IFT140: variants seen among roughly 807,000 people sequenced by gnomAD.
The protein encoded by IFT140 is intraflagellar transport 140.
A neutral mutation model predicts 164.6 loss-of-function variants in IFT140; 133 were observed. The ratio of observed to expected loss-of-function variants is 0.81; its 90% CI spans 0.70 to 0.93. The LOEUF (loss-of-function observed/expected upper bound fraction) is 0.93. Ranked by LOEUF, IFT140 falls within the 40% of genes least tolerant of loss-of-function variation. IFT140 has a pLI of 0.00. For synonymous variants in IFT140, 860 were observed against 817.3 expected, an observed-to-expected ratio of 1.05 and a Z score of -0.89; for missense variants, 2,045 against 1,972.3, an observed-to-expected ratio of 1.04 and a Z score of -0.70.
chr16:1,523,406 T>C (rs2040580501), intron 26 of IFT140, 112 bp downstream of exon 26: 5 of 1,199,998 alleles, frequency 4.2e-6, no homozygotes, highest in Non-Finnish European at 4.7e-6. Flanking sequence ...CACCGCAGCC[T>C]TCCTGGAGAA....
chr16:1,559,944 G>A (rs1233148249), intron 18 of IFT140, among the ~76,000 whole-genome samples: 1 of 152,228 alleles, frequency 6.6e-6, no homozygotes, highest in Non-Finnish European at 1.5e-5. Context: ...AGGAGTGGAC[G>A]CATGCGGGAA....
intron 19 of IFT140, chr16:1,541,878 GC>G: frequency 6.6e-7 from 1 of 1,512,660 alleles, no homozygotes. Flanking sequence ...GGCCTCTGGA[GC>G]CCACCTGCAC....
At chr16:1,513,577 C>T (rs919058103) in intron 30 of IFT140, among the ~76,000 whole-genome samples, 2 of 152,110 alleles carry the variant, frequency 1.3e-5, no homozygotes, top group Admixed American at 6.5e-5. Context: ...CCCCTAATGA[C>T]GACGGACACA....
intron 19 of IFT140, chr16:1,555,173 C>T (rs1203830836): frequency 3.1e-6 from 3 of 977,234 alleles, no homozygotes; most frequent in Non-Finnish European, 4.4e-6. Flanking sequence ...GTGCGAGACA[C>T]GTGTGCGTTT....
At chr16:1,574,141 T>C (rs10903010) in intron 13 of IFT140, among the ~76,000 whole-genome samples, 28,609 of 152,092 alleles carry the variant, frequency 0.19, 3,456 homozygotes, top group African/African-American at 0.33. Flanking sequence ...AACCTGACAT[T>C]AGCCTGTGCC....
In IFT140 at chr16:1,526,913, G is replaced by T. The variant is rs545115292; in HGVS notation, c.2400-117C>A. 4.2e-6 allele frequency: 5 copies of T among 1,186,344 alleles called. No individual in the cohort carries two copies. The Admixed American group carries it at 1.1e-4, about 25-fold the overall frequency. The allele number at this position is 1,186,344 out of a possible 1,614,324, so 73.5% of individuals were successfully genotyped here. On this transcript the variant is annotated intron_variant, in intron 19 of 30. Coordinates refer to ENST00000426508, the MANE Select transcript of IFT140 (RefSeq NM_014714.4). ...GGCACAGCTGCCAAACGGGCATGAG[G>T]AGGGGCCTTCACCCATCGGCTCCGC...
At chr16:1,550,286 G>A (rs1242302897) in intron 19 of IFT140, among the ~76,000 whole-genome samples, 1 of 152,176 alleles carries the variant, frequency 6.6e-6, no homozygotes, top group Admixed American at 6.5e-5. Flanking sequence ...GCAGACAGAT[G>A]CTCTGAGGCC....
chr16:1,552,239 G>A (rs1367431149), intron 19 of IFT140, among the ~76,000 whole-genome samples: 1 of 152,178 alleles, frequency 6.6e-6, no homozygotes, highest in Non-Finnish European at 1.5e-5. Flanking sequence ...GTTACTGCCG[G>A]TATAACCTCC....
At chr16:1,609,064 AGAATCGCTT>A (rs2142126007) in intron 2 of IFT140, among the ~76,000 whole-genome samples, 1 of 152,196 alleles carries the variant, frequency 6.6e-6, no homozygotes, top group East Asian at 1.9e-4. Flanking sequence ...CTGAGACATG[AGAATCGCTT>A]GAATCCAGGA....
intron 27 of IFT140, 73 bp from the exon 28 acceptor site, chr16:1,520,416 A>G: frequency 6.6e-7 from 1 of 1,512,044 alleles, no homozygotes; most frequent in Non-Finnish European, 9.1e-7. Flanking sequence ...CCCGAGCAGG[A>G]GCTCTCACAA....
At chr16:1,604,721 TGGA>T (rs1231846290) in intron 3 of IFT140, among the ~76,000 whole-genome samples, 2 of 151,234 alleles carry the variant, frequency 1.3e-5, no homozygotes, top group African/African-American at 4.9e-5. Context: ...GATGGGAACC[TGGA>T]GGAGGGAAGG....
At position 1,518,401 on chromosome 16, in the gene IFT140, A is replaced by G. The variant is rs2076434; in HGVS notation, c.4041-44T>C. On this transcript the variant is annotated intron_variant, in intron 29 of 30. Transcript: ENST00000426508. ...AGGCCTGGGCCCCGAAGCCCTGAAC[A>G]CCTACTGCTATCAGAGGTCAGAGGA... 320,443 of 1,579,892 alleles carry G rather than the reference A, an allele frequency of 0.2. 35,196 individuals carry two copies. Among genetic ancestry groups the G allele is most frequent in the African/African-American group, 0.37 (27,563 of 73,856 alleles).
At chr16:1,561,390 C>T (rs2033400216) in intron 18 of IFT140, among the ~76,000 whole-genome samples, 2 of 152,232 alleles carry the variant, frequency 1.3e-5, no homozygotes, top group Non-Finnish European at 2.9e-5. Context: ...GGTGTGTGTA[C>T]TGATGACGAT....
At position 1,525,333 on chromosome 16, in the gene IFT140, GAGA is replaced by G. The variant is rs747185911; in HGVS notation, c.2769-10_2769-8del. On this transcript the variant is annotated splice_polypyrimidine_tract_variant and splice_region_variant and intron_variant, in intron 21 of 30. Transcript: ENST00000426508. The stretch of plus-strand genomic sequence containing the variant: ...CGTGTCCGACTTCTCGTAGCTGTGA[GAGA>G]AGGAGACAGAGGTCCTCGTTCCCTC... 5 of 1,608,734 alleles carry G rather than the reference GAGA, an allele frequency of 3.1e-6. No individual in the cohort carries two copies. The highest frequency in any genetic ancestry group is 2.2e-5 in the East Asian group (1 of 44,874).
chr16:1,580,900 T>C (rs1291067080), intron 12 of IFT140, 50 bp from the exon 13 acceptor site: 2 of 1,291,364 alleles, frequency 1.5e-6, no homozygotes, highest in Non-Finnish European at 2.3e-6. Flanking sequence ...CCGCCAGACT[T>C]GCTGGGAGTT....
rs2035853502 is a variant in IFT140 at position 1,602,602 on chromosome 16, T to C, written c.148-11A>G. The C allele has an allele frequency of 6.2e-7, 1 of 1,608,140 alleles. No individual in the cohort carries two copies. Among genetic ancestry groups the C allele is most frequent in the African/African-American group, 1.3e-5 (1 of 74,876 alleles). On this transcript the variant is annotated splice_polypyrimidine_tract_variant and intron_variant, in intron 3 of 30. Transcript: ENST00000426508. ...TGGCACGCACTCCCCCTGCATTGGA[T>C]GAGAGGCAAATTCCCACAGTTCAGA...
At chr16:1,586,832 G>A (rs567304661) in intron 9 of IFT140, among the ~76,000 whole-genome samples, 107 of 152,186 alleles carry the variant, frequency 7.0e-4, no homozygotes, top group African/African-American at 2.5e-3. Flanking sequence ...TCAGCCTCCT[G>A]AGTAGATGGG....
intron 30 of IFT140, among the ~76,000 whole-genome samples, chr16:1,512,659 C>T (rs1039968784): frequency 1.3e-5 from 2 of 152,270 alleles, no homozygotes; most frequent in South Asian, 2.1e-4. Flanking sequence ...ATAGAAACCC[C>T]GTTGGAGCAG....
At position 1,586,318 on chromosome 16, in the gene IFT140, G is replaced by A. The variant is rs569871957; in HGVS notation, c.1010-43C>T. 62 of 1,574,644 alleles carry A rather than the reference G, an allele frequency of 3.9e-5. No homozygotes were observed. The East Asian group carries it at 1.1e-3, about 28-fold the overall frequency. The stretch of plus-strand genomic sequence containing the variant: ...CTGCATGTGAACAGAGTTAAAAAAA[G>A]GGAACAAAACAGCAACAAGCTCTGT... On this transcript the variant is annotated intron_variant, in intron 9 of 30. Coordinates refer to ENST00000426508, the MANE Select transcript of IFT140 (RefSeq NM_014714.4).
Sources: gnomAD v4.1 joint callset for allele counts (sites outside exome capture counted in the v4.1 genomes callset) on GRCh38, gnomAD v4.1.1 for gene constraint, MANE v1.5 for transcripts, NCBI Gene and HGNC (gene_info 2026-07-23, HGNC 2026-07-21) for gene names.